SV2C: variants seen among roughly 807,000 people sequenced by gnomAD.
SV2C encodes synaptic vesicle glycoprotein 2C, also known as solute carrier family 22 member B3.
SV2C carries 49 observed loss-of-function variants against 79.7 expected under a neutral mutation model. That is an observed-to-expected ratio of 0.61 (90% CI 0.49 to 0.78). The LOEUF (loss-of-function observed/expected upper bound fraction) is 0.78, where lower values mean the gene tolerates loss of function less well. Among genes scored for constraint, SV2C ranks in the 30% least tolerant of loss-of-function variants. SV2C has a pLI of 0.00. For synonymous variants in SV2C, 334 were observed against 333.2 expected (o/e 1.00, Z -0.03); for missense variants, 833 against 912.9 (o/e 0.91, Z 1.13).
intron 12 of SV2C, among the ~76,000 whole-genome samples, chr5:76,306,773 CAACA>C (rs1206143838): frequency 6.6e-6 from 1 of 152,110 alleles, no homozygotes; most frequent in Non-Finnish European, 1.5e-5. Flanking sequence ...AAAGAAATGT[CAACA>C]AACACTTAGC....
the SV2C span, chr5:75,921,315 G>C: frequency 7.4e-7 from 1 of 1,346,456 alleles, no homozygotes. Flanking sequence ...AGCTGCAGGT[G>C]CTGGCTGGTG....
chr5:76,238,059 CACACACAT>C (rs1254648541), intron 4 of SV2C, among the ~76,000 whole-genome samples: 2 of 64,954 alleles, frequency 3.1e-5, no homozygotes, highest in African/African-American at 1.1e-4. Flanking sequence ...CACACACACA[CACACACAT>C]ATATATACCT....
At chr5:75,859,648 A>G in the SV2C span, among the ~76,000 whole-genome samples, 1 of 152,260 alleles carries the variant, frequency 6.6e-6, no homozygotes, top group Non-Finnish European at 1.5e-5. Flanking sequence ...TTATGCCCCT[A>G]GAGCATAACC....
intron 1 of SV2C, among the ~76,000 whole-genome samples, chr5:76,100,922 C>G (rs1389931310): frequency 6.6e-6 from 1 of 152,192 alleles, no homozygotes; most frequent in African/African-American, 2.4e-5. Context: ...TTGTCACAAC[C>G]AAAAATGTTT....
chr5:76,275,612 G>C (rs1294174463), intron 4 of SV2C, among the ~76,000 whole-genome samples: 3 of 152,214 alleles, frequency 2.0e-5, no homozygotes, highest in African/African-American at 7.2e-5. Context: ...CCTTGTATGT[G>C]TGTCACATAC....
intron 12 of SV2C, among the ~76,000 whole-genome samples, chr5:76,352,940 CT>C (rs556688242): frequency 0.087 from 11,800 of 136,390 alleles, 468 homozygotes; most frequent in South Asian, 0.12. Flanking sequence ...ATTTTTACCT[CT>C]TTTTTTTTTT....
intron 2 of SV2C, among the ~76,000 whole-genome samples, chr5:76,136,420 A>G (rs1749070701): frequency 6.6e-6 from 1 of 152,226 alleles, no homozygotes; most frequent in Non-Finnish European, 1.5e-5. Flanking sequence ...CTGGCAAAGT[A>G]CATTGAGAGG....
the SV2C span, among the ~76,000 whole-genome samples, chr5:75,970,496 C>T: frequency 6.6e-6 from 1 of 151,942 alleles, no homozygotes; most frequent in Non-Finnish European, 1.5e-5. Context: ...GGGGATATCA[C>T]CACCGATCCC....
chr5:76,232,678 C>T (rs1285917117), intron 4 of SV2C, among the ~76,000 whole-genome samples: 1 of 145,682 alleles, frequency 6.9e-6, no homozygotes, highest in Non-Finnish European at 1.5e-5. Flanking sequence ...TTTCCCAGCA[C>T]CATTTATTAA....
intron 1 of SV2C, among the ~76,000 whole-genome samples, chr5:76,101,547 G>A (rs1747742976): frequency 6.6e-6 from 1 of 152,148 alleles, no homozygotes; most frequent in African/African-American, 2.4e-5. Context: ...GTCTAGAGGG[G>A]TTGAGATGGA....
chr5:75,947,528 T>C, the SV2C span, among the ~76,000 whole-genome samples: 11 of 152,108 alleles, frequency 7.2e-5, no homozygotes, highest in Admixed American at 2.6e-4. Context: ...AGAGATTTCT[T>C]CTACTCAGGC....
Position 76,325,685 on chromosome 5 carries a change from T to G in SV2C, c.*138T>G. 2.4e-6 allele frequency: 3 copies of G among 1,227,884 alleles called. No individual in the cohort carries two copies. The East Asian group carries it at 7.5e-5, about 31-fold the overall frequency. 76.1% of individuals were successfully genotyped at this position (1,227,884 alleles called of 1,614,324 possible). On this transcript the variant is annotated 3_prime_UTR_variant, in exon 13 of 13. Transcript: ENST00000502798. Reference sequence around the variant, plus strand: ...CATAAACACGTGCTGTGACTTAAAATTTAGAAGCATATCATCTTGCCCCTT... The same window carrying G: ...CATAAACACGTGCTGTGACTTAAAAGTTAGAAGCATATCATCTTGCCCCTT...
intron 10 of SV2C, among the ~76,000 whole-genome samples, chr5:76,300,481 G>A (rs1377373161): frequency 6.6e-6 from 1 of 152,050 alleles, no homozygotes; most frequent in African/African-American, 2.4e-5. Flanking sequence ...AAGATAACTG[G>A]ACCCCTTAAT....
At chr5:76,013,546 C>T in the SV2C span, among the ~76,000 whole-genome samples, 1 of 152,166 alleles carries the variant, frequency 6.6e-6, no homozygotes. Context: ...ATCATGTCAT[C>T]TGCAAACAGA....
intron 4 of SV2C, among the ~76,000 whole-genome samples, chr5:76,275,811 C>G (rs1189243673): frequency 6.6e-6 from 1 of 152,194 alleles, no homozygotes; most frequent in Non-Finnish European, 1.5e-5. Context: ...AAATTGAGAT[C>G]CTTCCTTGCA....
intron 12 of SV2C, among the ~76,000 whole-genome samples, chr5:76,301,905 TCTCAAAAAAAAAAAAAAAAAAAAAA>T: frequency 1.3e-5 from 1 of 77,178 alleles, no homozygotes; most frequent in Non-Finnish European, 2.2e-5. Context: ...TGAGACACCA[TCTCAAAAAAAAAAAAAAAAAAAAAA>T]GCCAAACTGT....
intron 12 of SV2C, among the ~76,000 whole-genome samples, chr5:76,324,286 A>C (rs894109463): frequency 5.3e-5 from 8 of 152,184 alleles, no homozygotes; most frequent in Non-Finnish European, 1.2e-4. Context: ...TTTGGAATGA[A>C]ATTTAAATTT....
the SV2C span, among the ~76,000 whole-genome samples, chr5:76,027,161 G>A: frequency 0.81 from 121,983 of 149,960 alleles, 50,227 homozygotes; most frequent in African/African-American, 0.95. Context: ...TCCCAGGTTC[G>A]AGTGATTCTC....
chr5:76,259,725 TGC>T, intron 4 of SV2C, among the ~76,000 whole-genome samples: 1 of 152,178 alleles, frequency 6.6e-6, no homozygotes. Flanking sequence ...TGTGTTAGTT[TGC>T]TGAAGATGAT....
Sources: allele counts gnomAD v4.1 joint callset (sites outside exome capture counted in the v4.1 genomes callset), GRCh38; gene constraint gnomAD v4.1.1; transcripts MANE v1.5; gene names NCBI Gene and HGNC (gene_info 2026-07-23, HGNC 2026-07-21).